GPM6A: variants seen among roughly 807,000 people sequenced by gnomAD.
GPM6A encodes the protein glycoprotein M6A, also known as neuronal membrane glycoprotein M6-a.
In GPM6A, 7 loss-of-function variants were observed where a neutral mutation model predicts 32.1. The observed-to-expected ratio is 0.22, with a 90% CI of 0.12 to 0.41. GPM6A has a LOEUF of 0.41. Among genes scored for constraint, GPM6A ranks in the 10% least tolerant of loss-of-function variants. GPM6A has a pLI of 1.00. For missense variants in GPM6A, 235 were observed against 347.2 expected (o/e 0.68, Z 2.57); for synonymous variants, 130 against 123.4 (o/e 1.05, Z -0.35).
At position 175,742,609 on chromosome 4, in the gene GPM6A, G is replaced by A. The variant is rs528105877; in HGVS notation, c.38-40842C>T. 4.0e-4 allele frequency among the ~76,000 whole-genome samples: 61 copies of A among 152,082 alleles called. 1 individual carries two copies. The highest frequency in any genetic ancestry group is 1.3e-3 in the African/African-American group (56 of 41,504). On this transcript the variant is annotated intron_variant, in intron 1 of 6. Transcript: ENST00000393658. Reference sequence around the variant, plus strand: ...TTAGAGTCATGTACATTTAAGGCTCGGTTACTGGGTTTTTCACATTCAGTA... The same window carrying A: ...TTAGAGTCATGTACATTTAAGGCTCAGTTACTGGGTTTTTCACATTCAGTA...
chr4:175,651,910 G>A lies in GPM6A; in HGVS notation c.465C>T (p.Tyr155=). ...TCCGGCAGATGGTCCACAGATTGAAGTACATGTAAACTGGCAGTGAGGTGA... is the reference window on the plus strand; with the variant it reads ...TCCGGCAGATGGTCCACAGATTGAAATACATGTAAACTGGCAGTGAGGTGA... ...TAFTSLPVYM[Y]FNLWTICRNT... Residue 155 remains tyrosine (Y), a synonymous_variant, in exon 4 of 7, where the codon TAC becomes TAT. Coordinates refer to ENST00000393658, the MANE Select transcript of GPM6A (RefSeq NM_201591.3). The A allele has an allele frequency of 2.5e-6, 4 of 1,612,992 alleles. No homozygotes were observed. The highest frequency in any genetic ancestry group is 3.4e-6 in the Non-Finnish European group (4 of 1,179,144).
In GPM6A at chr4:175,724,686, G is replaced by A. The variant is rs899230951; in HGVS notation, c.38-22919C>T. On this transcript the variant is annotated intron_variant, in intron 1 of 6. Transcript: ENST00000393658. ...TTATTTGTTAATGAATAATAAATAT[G>A]CATGGCAATAAAACTGAGATAGCTT... 2.8e-4 allele frequency among the ~76,000 whole-genome samples: 43 copies of A among 152,148 alleles called. 1 individual carries two copies. Among genetic ancestry groups the A allele is most frequent in the Admixed American group, 2.8e-3 (43 of 15,272 alleles).
chr4:175,734,413 C>T (rs1358525300), intron 1 of GPM6A, among the ~76,000 whole-genome samples: 1 of 152,046 alleles, frequency 6.6e-6, no homozygotes, highest in Non-Finnish European at 1.5e-5. Context: ...AAGAGTTCTG[C>T]GTGATTGGCC....
chr4:175,734,162 T>A (rs1265121374), intron 1 of GPM6A, among the ~76,000 whole-genome samples: 221 of 133,670 alleles, frequency 1.7e-3, no homozygotes, highest in African/African-American at 4.3e-3. Flanking sequence ...ATATATATAT[T>A]TTTTAATTTC....
intron 1 of GPM6A, among the ~76,000 whole-genome samples, chr4:175,706,758 G>T (rs1745215148): frequency 1.3e-5 from 2 of 152,174 alleles, no homozygotes; most frequent in African/African-American, 4.8e-5. Flanking sequence ...ATATGCAGTG[G>T]GTTAGGTATT....
chr4:175,952,812 G>A (rs1739859106), intron 1 of GPM6A, among the ~76,000 whole-genome samples: 2 of 152,128 alleles, frequency 1.3e-5, no homozygotes, highest in South Asian at 2.1e-4. Flanking sequence ...TTGGGAGGCT[G>A]AGATGGGAGG....
chr4:175,787,699 A>T, intron 1 of GPM6A: 1 of 809,066 alleles, frequency 1.2e-6, no homozygotes, highest in Non-Finnish European at 1.5e-6. Flanking sequence ...TCTTTGAAAA[A>T]TCTGTTCCTT....
chr4:175,854,191 A>T (rs1736347880), intron 1 of GPM6A, among the ~76,000 whole-genome samples: 1 of 152,228 alleles, frequency 6.6e-6, no homozygotes, highest in African/African-American at 2.4e-5. Flanking sequence ...TGACACCATC[A>T]ATTTCTTAGG....
intron 1 of GPM6A, chr4:175,891,853 T>C (rs563917759): frequency 6.6e-6 from 1 of 152,322 alleles, no homozygotes; most frequent in South Asian, 2.1e-4. Context: ...ATTTAGATAA[T>C]TATAGTACTA....
intron 1 of GPM6A, among the ~76,000 whole-genome samples, chr4:175,995,315 G>A (rs2062392): frequency 0.97 from 145,844 of 150,626 alleles, 70,781 homozygotes; most frequent in East Asian, 1. Context: ...TGCCTTGTGA[G>A]ATATAGTTCT....
intron 1 of GPM6A, among the ~76,000 whole-genome samples, chr4:175,835,627 G>GTATATATATATATATA (rs35980764): frequency 1.4e-5 from 2 of 138,630 alleles, no homozygotes; most frequent in African/African-American, 2.7e-5. Context: ...GTGAGTGTGT[G>GTATATATATATATATA]TATATATATA....
intron 1 of GPM6A, among the ~76,000 whole-genome samples, chr4:175,953,030 T>TAAA (rs376944274): frequency 7.4e-6 from 1 of 135,422 alleles, no homozygotes; most frequent in African/African-American, 2.7e-5. Context: ...ACCCTGTTTT[T>TAAA]AAAAAAAAAA....
chr4:175,743,455 AT>A (rs1731971748), intron 1 of GPM6A, among the ~76,000 whole-genome samples: 1 of 152,234 alleles, frequency 6.6e-6, no homozygotes, highest in East Asian at 1.9e-4. Context: ...TTAATCCAAA[AT>A]AAGCTACAAG....
intron 1 of GPM6A, among the ~76,000 whole-genome samples, chr4:175,910,731 T>A (rs1344773336): frequency 6.6e-6 from 1 of 152,186 alleles, no homozygotes; most frequent in Non-Finnish European, 1.5e-5. Flanking sequence ...AATTCCACAC[T>A]TTTTCTGCTG....
intron 1 of GPM6A, among the ~76,000 whole-genome samples, chr4:175,731,200 T>G (rs1043482749): frequency 2.0e-5 from 3 of 152,192 alleles, no homozygotes; most frequent in African/African-American, 7.2e-5. Flanking sequence ...CAAAACTCTT[T>G]GTTCTGTGGC....
At chr4:175,713,269 C>T (rs1745653677) in intron 1 of GPM6A, among the ~76,000 whole-genome samples, 1 of 152,152 alleles carries the variant, frequency 6.6e-6, no homozygotes, top group African/African-American at 2.4e-5. Flanking sequence ...ATGGCAGGAT[C>T]TTGGCTCACT....
chr4:175,920,824 G>A (rs982930827), intron 1 of GPM6A, among the ~76,000 whole-genome samples: 1 of 148,414 alleles, frequency 6.7e-6, no homozygotes, highest in Admixed American at 6.7e-5. Context: ...CTGGGCAACA[G>A]AGCGAGAATC....
intron 1 of GPM6A, among the ~76,000 whole-genome samples, chr4:175,925,766 C>A (rs1323966813): frequency 6.6e-6 from 1 of 151,636 alleles, no homozygotes; most frequent in Non-Finnish European, 1.5e-5. Context: ...TTGTAGTAAT[C>A]AAAATACAGC....
At chr4:176,000,390 C>T (rs1741439705) in intron 1 of GPM6A, among the ~76,000 whole-genome samples, 1 of 152,162 alleles carries the variant, frequency 6.6e-6, no homozygotes, top group Admixed American at 6.5e-5. Context: ...CACCATCCCC[C>T]ACAACAAAAT....
Sources: gnomAD v4.1 joint callset for allele counts (sites outside exome capture counted in the v4.1 genomes callset) on GRCh38, gnomAD v4.1.1 for gene constraint, MANE v1.5 for transcripts, NCBI Gene and HGNC (gene_info 2026-07-23, HGNC 2026-07-21) for gene names.